Variants in ALLC observed in about 807,000 individuals in gnomAD.
The protein encoded by ALLC is probable inactive allantoicase.
ALLC carries 40 observed loss-of-function variants against 45.0 expected under a neutral mutation model. The ratio of observed to expected loss-of-function variants is 0.89; its 90% CI spans 0.69 to 1.16. The LOEUF (loss-of-function observed/expected upper bound fraction) is 1.16, where lower values mean the gene tolerates loss of function less well. ALLC is among the 50% of genes most tolerant of loss of function. The probability of loss-of-function intolerance (pLI) is 0.00; values close to 1 mark genes in which losing one functional copy is unlikely to be tolerated. For synonymous variants in ALLC, 176 were observed against 178.1 expected (o/e 0.99, Z 0.09); for missense variants, 488 against 493.1 (o/e 0.99, Z 0.10).
chr2:3,701,252 T>C (rs1667822785), intron 10 of ALLC, among the ~76,000 whole-genome samples: 1 of 152,172 alleles, frequency 6.6e-6, no homozygotes, highest in South Asian at 2.1e-4. Flanking sequence ...TACATGCAAA[T>C]TGAAATGCGC....
At chr2:3,689,677 C>A (rs1667421020) in intron 7 of ALLC, among the ~76,000 whole-genome samples, 1 of 150,734 alleles carries the variant, frequency 6.6e-6, no homozygotes, top group Admixed American at 6.6e-5. Flanking sequence ...AATGCATATT[C>A]TGCAGCAGTT....
chr2:3,685,779 C>T (rs1379542003), intron 7 of ALLC, among the ~76,000 whole-genome samples: 4 of 150,914 alleles, frequency 2.7e-5, no homozygotes, highest in African/African-American at 9.7e-5. Context: ...CATTTGTATG[C>T]CTTCTTTTGA....
intron 7 of ALLC, 151 bp from the exon 8 acceptor site, chr2:3,695,566 G>A (rs1054593262): frequency 7.2e-5 from 55 of 759,068 alleles, no homozygotes; most frequent in Non-Finnish European, 9.6e-5. Flanking sequence ...AAGGCCCTGG[G>A]GCAGTGGGCT....
At chr2:3,679,752 T>G in intron 4 of ALLC, 117 bp from the exon 5 acceptor site, 1 of 1,429,332 alleles carries the variant, frequency 7.0e-7, no homozygotes, top group Middle Eastern at 2.5e-4. Context: ...CAGTTTTTTC[T>G]GTGATGGACG....
In ALLC at chr2:3,678,527, C is replaced by T. The variant is rs1406772188; in HGVS notation, c.144C>T (p.Gly48=). Residue 48 remains glycine, a synonymous_variant, in exon 4 of 12, where the codon GGC becomes GGT. Transcript: ENST00000252505. ...CGGAGTTTGGGAAATGGATGGATGG[C>T]TGGGAGACCAGGAGGAAAAGGATTC... ...EYTEFGKWMD[G]WETRRKRIPG... is the part of the protein sequence containing the mutation. 6.2e-7 allele frequency: 1 copy of T among 1,613,958 alleles called. No homozygotes were observed.
At chr2:3,657,589 G>A (rs1029479822), upstream of ALLC, among the ~76,000 whole-genome samples, 98 of 152,190 alleles carry the variant, frequency 6.4e-4, 6 homozygotes, top group Non-Finnish European at 5.9e-5. Context: ...GCAAGGCAAC[G>A]TCTGTTACTG....
intron 6 of ALLC, among the ~76,000 whole-genome samples, chr2:3,682,082 T>A (rs892509344): frequency 1.5e-4 from 23 of 152,126 alleles, no homozygotes; most frequent in African/African-American, 5.6e-4. Context: ...GGGAAAAAAA[T>A]AAATAGGGCT....
intron 1 of ALLC, among the ~76,000 whole-genome samples, chr2:3,667,439 C>G (rs1215365876): frequency 1.3e-5 from 2 of 152,224 alleles, no homozygotes; most frequent in Non-Finnish European, 2.9e-5. Context: ...TGACACTCAT[C>G]GAGCTCCAGC....
upstream of ALLC, among the ~76,000 whole-genome samples, chr2:3,657,142 C>G (rs1409105320): frequency 1.3e-5 from 2 of 152,036 alleles, no homozygotes; most frequent in Non-Finnish European, 2.9e-5. Context: ...GATGTGTAAA[C>G]ATGGACTCAA....
the ALLC span, among the ~76,000 whole-genome samples, chr2:3,652,861 C>T: frequency 3.3e-5 from 5 of 152,284 alleles, no homozygotes; most frequent in East Asian, 1.9e-4. Context: ...GGATTACAGG[C>T]GTGAGCCACC....
intron 7 of ALLC, among the ~76,000 whole-genome samples, chr2:3,692,697 G>T (rs1431196349): frequency 6.6e-6 from 1 of 152,168 alleles, no homozygotes; most frequent in Non-Finnish European, 1.5e-5. Context: ...GGGACCTGTG[G>T]AACAAACCTC....
chr2:3,667,490 C>G (rs1666757432), intron 1 of ALLC, among the ~76,000 whole-genome samples: 1 of 152,248 alleles, frequency 6.6e-6, no homozygotes, highest in South Asian at 2.1e-4. Context: ...CGTTTGGATA[C>G]ATCGCGGTTG....
intron 2 of ALLC, among the ~76,000 whole-genome samples, chr2:3,671,551 A>G (rs112437841): frequency 0.17 from 16,455 of 98,162 alleles, 1,501 homozygotes; most frequent in Middle Eastern, 0.21. Flanking sequence ...CTGGTTAGAT[A>G]GGAGGTCCTC....
chr2:3,654,459 A>G (rs1449342806), upstream of ALLC, among the ~76,000 whole-genome samples: 13 of 152,208 alleles, frequency 8.5e-5, no homozygotes, highest in East Asian at 1.9e-4. Context: ...CCAACGTATG[A>G]GTGCCAGGAG....
chr2:3,667,860 G>C (rs1666767407), intron 1 of ALLC, among the ~76,000 whole-genome samples: 1 of 152,324 alleles, frequency 6.6e-6, no homozygotes, highest in East Asian at 1.9e-4. Context: ...CGCCTTCCGG[G>C]TTCAAGTGAT....
chr2:3,646,510 C>T, the ALLC span, among the ~76,000 whole-genome samples: 4 of 152,174 alleles, frequency 2.6e-5, no homozygotes, highest in African/African-American at 4.8e-5. Flanking sequence ...AAGTTTATTC[C>T]GGACCTGAGT....
chr2:3,666,421 A>G (rs923163997), intron 1 of ALLC, among the ~76,000 whole-genome samples: 2 of 152,220 alleles, frequency 1.3e-5, no homozygotes, highest in African/African-American at 4.8e-5. Context: ...GCAGAGGACA[A>G]TGATGAAGGG....
intron 1 of ALLC, among the ~76,000 whole-genome samples, chr2:3,667,936 T>C (rs1472431096): frequency 1.3e-5 from 2 of 152,122 alleles, no homozygotes; most frequent in Admixed American, 6.5e-5. Flanking sequence ...GGCTAATCTT[T>C]GTATATTCAG....
chr2:3,699,305 G>T (rs1347228512), intron 10 of ALLC, among the ~76,000 whole-genome samples: 1 of 152,142 alleles, frequency 6.6e-6, no homozygotes, highest in Non-Finnish European at 1.5e-5. Flanking sequence ...CTCTCCAGCT[G>T]CATCCATGTT....
Sources: allele counts gnomAD v4.1 joint callset (sites outside exome capture counted in the v4.1 genomes callset), GRCh38; gene constraint gnomAD v4.1.1; transcripts MANE v1.5; gene names NCBI Gene and HGNC (gene_info 2026-07-23, HGNC 2026-07-21).